The following PRKRA variants were observed in gnomAD, a reference collection of about 807,000 sequenced individuals.
PRKRA encodes interferon-inducible double-stranded RNA-dependent protein kinase activator A.
In PRKRA, 22 loss-of-function variants were observed where a neutral mutation model predicts 32.4. That is an observed-to-expected ratio of 0.68 (90% CI 0.49 to 0.97). The LOEUF (loss-of-function observed/expected upper bound fraction) is 0.97, where lower values mean the gene tolerates loss of function less well. PRKRA is among the 50% of genes least tolerant of loss of function. PRKRA has a pLI of 0.00. For synonymous variants in PRKRA, 139 were observed against 129.8 expected (o/e 1.07, Z -0.48); for missense variants, 319 against 375.6 (o/e 0.85, Z 1.25).
At chr2:178,450,086 G>A (rs1697501725) in intron 2 of PRKRA, 156 bp downstream of exon 2, 2 of 955,018 alleles carry the variant, frequency 2.1e-6, no homozygotes, top group African/African-American at 1.6e-5. Context: ...ATCAGATGCA[G>A]CTGAAAAGCC....
Position 178,431,759 on chromosome 2 carries a change from C to A in PRKRA, c.*338G>T. 1 of 355,740 alleles carries A rather than the reference C, an allele frequency of 2.8e-6. No homozygotes were observed. Among genetic ancestry groups the A allele is most frequent in the East Asian group, 6.1e-5 (1 of 16,476 alleles). 22.0% of individuals were successfully genotyped at this position (355,740 alleles called of 1,614,324 possible). A position where few individuals can be genotyped will look rare whatever the true frequency, so the allele number is the denominator to read the frequency against. On this transcript the variant is annotated 3_prime_UTR_variant, in exon 8 of 8. Coordinates refer to ENST00000325748, the MANE Select transcript of PRKRA (RefSeq NM_003690.5). ...TTATAAAGCTTTGTGCAAAGAAGAG[C>A]TTAAGCACCAGTAAGAAAGACTGTC...
chr2:178,450,443 T>C (rs965736170), intron 1 of PRKRA, 32 bp from the exon 2 acceptor site: 5 of 1,048,440 alleles, frequency 4.8e-6, no homozygotes, highest in Non-Finnish European at 6.3e-6. Flanking sequence ...GTGCTTTGCA[T>C]GCCAAATTGG....
intron 5 of PRKRA, 54 bp from the exon 6 acceptor site, chr2:178,441,758 G>A (rs751568219): frequency 7.1e-6 from 10 of 1,403,574 alleles, no homozygotes; most frequent in South Asian, 2.3e-5. Flanking sequence ...TGTCCACAGA[G>A]GATGATCAAA....
At chr2:178,433,389 G>C (rs1047691337) in intron 7 of PRKRA, 1 of 152,142 alleles carries the variant, frequency 6.6e-6, no homozygotes, top group Non-Finnish European at 1.5e-5. Flanking sequence ...TAGGAGTGGA[G>C]TTGCTGGGTC....
At chr2:178,439,698 T>C (rs1002418007) in intron 6 of PRKRA, 1 of 152,188 alleles carries the variant, frequency 6.6e-6, no homozygotes, top group Non-Finnish European at 1.5e-5. Context: ...GGAATGAGTA[T>C]AATGTATAAA....
intron 5 of PRKRA, among the ~76,000 whole-genome samples, chr2:178,442,433 A>C (rs897990806): frequency 2.6e-5 from 4 of 152,290 alleles, no homozygotes; most frequent in African/African-American, 9.6e-5. Flanking sequence ...TCCTTTTAAC[A>C]GGAATAAGAA....
rs181793341 is a variant in PRKRA at position 178,451,044 on chromosome 2, G to T, written c.-14C>A. ...GCTCTGGGACATGGCGAGAAGGGAC[G>T]GCTCAGCGGCTGGAGGAAGAGCGGT... On this transcript the variant is annotated 5_prime_UTR_variant, in exon 1 of 8. Transcript: ENST00000325748. The T allele has an allele frequency of 8.4e-6, 13 of 1,554,084 alleles. 1 individual carries two copies. Among genetic ancestry groups the T allele is most frequent in the Non-Finnish European group, 1.0e-5 (12 of 1,155,326 alleles).
At chr2:178,450,771 C>T in intron 1 of PRKRA, 195 bp downstream of exon 1, 2 of 1,348,968 alleles carry the variant, frequency 1.5e-6, no homozygotes, top group Middle Eastern at 2.8e-4. Flanking sequence ...CCGCCAGGGA[C>T]CACGAGAGGG....
rs368620024 is a variant in PRKRA, at chr2:178,444,381, A to C, written c.396+41T>G. 6 of 1,130,162 alleles carry C rather than the reference A, an allele frequency of 5.3e-6. No individual in the cohort carries two copies. In the African/African-American group the frequency reaches 1.1e-4, roughly 21 times the overall value. 70.0% of individuals were successfully genotyped at this position (1,130,162 alleles called of 1,614,324 possible). On this transcript the variant is annotated intron_variant, in intron 4 of 7. Transcript: ENST00000325748. ...TTAGCCCCTCTGACATTACAAACTTATTATATATTTCATCAGTAGGCAAAG... is the reference window on the plus strand; with the variant it reads ...TTAGCCCCTCTGACATTACAAACTTCTTATATATTTCATCAGTAGGCAAAG...
rs758698207 is a variant in PRKRA, at chr2:178,436,105, T to C, written c.784+40A>G. 17 of 1,534,350 alleles carry C rather than the reference T, an allele frequency of 1.1e-5. No individual in the cohort carries two copies. In the Admixed American group the frequency reaches 1.7e-4, roughly 16 times the overall value. ...TTTGTTCCTCAAACACATTTTTAAA[T>C]AAACATGTCTTGGGAAAGCCAAAGA... On this transcript the variant is annotated intron_variant, in intron 7 of 7. Coordinates refer to ENST00000325748, the MANE Select transcript of PRKRA (RefSeq NM_003690.5).
intron 1 of PRKRA, 97 bp from the exon 2 acceptor site, chr2:178,450,508 G>T (rs1697541970): frequency 7.3e-7 from 1 of 1,374,902 alleles, no homozygotes; most frequent in Admixed American, 2.2e-5. Context: ...GGTGACGAGG[G>T]AGGCGCCGAG....
Position 178,441,614 on chromosome 2 carries a change from G to T in PRKRA, c.605C>A (p.Ser202Tyr), listed in dbSNP as rs1337026070. 1 of 1,587,960 alleles carries T rather than the reference G, an allele frequency of 6.3e-7. No homozygotes were observed. The change falls in exon 6 of 8, where the codon TCT becomes TAT. Residue 202 changes from serine to tyrosine, a missense_variant. Ser to Tyr is a moderately radical substitution (Grantham distance 144). Coordinates refer to ENST00000325748, the MANE Select transcript of PRKRA (RefSeq NM_003690.5). ...FSNISPENHI[S>Y]LTNVVGHSLG... ...ATAGCTGTCAACATTACTCACTAAA[G>T]AAATGTGGTTCTCTGGAGAAATATT...
chr2:178,440,732 T>A (rs1169643579), intron 6 of PRKRA, among the ~76,000 whole-genome samples: 1 of 152,200 alleles, frequency 6.6e-6, no homozygotes, highest in Non-Finnish European at 1.5e-5. Context: ...GTAACAGCAC[T>A]CTCGCAGGTC....
intron 7 of PRKRA, among the ~76,000 whole-genome samples, chr2:178,432,967 A>T: frequency 6.6e-6 from 1 of 152,214 alleles, no homozygotes. Context: ...AGATGGCTGA[A>T]ATGAGGGCAA....
intron 6 of PRKRA, 122 bp from the exon 7 acceptor site, chr2:178,436,441 G>A: frequency 1.2e-6 from 1 of 816,866 alleles, no homozygotes; most frequent in Non-Finnish European, 2.0e-6. Context: ...ATGTTTAAAT[G>A]GATAACATTT....
chr2:178,447,170 CTT>C (rs903741179), intron 3 of PRKRA: 9 of 238,860 alleles, frequency 3.8e-5, no homozygotes, highest in Middle Eastern at 1.7e-3. Context: ...CCATCTCACA[CTT>C]TGTTTTCTTC....
chr2:178,436,210 T>A lies in PRKRA; in HGVS notation c.719A>T (p.Asp240Val). 1 of 1,612,818 alleles carries A rather than the reference T, an allele frequency of 6.2e-7. No homozygotes were observed. Among genetic ancestry groups the A allele is most frequent in the South Asian group, 1.1e-5 (1 of 91,064 alleles). ...KRSLLSIPNT[D>V]YIQLLSEIAK... ...AATTTCACTAAGCAGCTGGATGTAATCTGTATTTGGAATACTAAGGAGGCT... is the reference window on the plus strand; with the variant it reads ...AATTTCACTAAGCAGCTGGATGTAAACTGTATTTGGAATACTAAGGAGGCT... Residue 240 changes from aspartate to valine, a missense_variant, in exon 7 of 8, where the codon GAT (aspartate) becomes GTT (valine). By Grantham distance (152) the Asp-to-Val change is radical. Coordinates refer to ENST00000325748, the MANE Select transcript of PRKRA (RefSeq NM_003690.5).
chr2:178,450,072 G>A, intron 2 of PRKRA, 170 bp downstream of exon 2: 3 of 873,916 alleles, frequency 3.4e-6, no homozygotes, highest in South Asian at 1.4e-5. Flanking sequence ...AAATTAGGAA[G>A]AGAATCAGAT....
chr2:178,442,500 G>T (rs996055356), intron 5 of PRKRA, among the ~76,000 whole-genome samples: 1 of 152,090 alleles, frequency 6.6e-6, no homozygotes, highest in Non-Finnish European at 1.5e-5. Context: ...CCATGCTTTT[G>T]TTTTATAGAT....
Sources: gnomAD v4.1 joint callset for allele counts (sites outside exome capture counted in the v4.1 genomes callset) on GRCh38, gnomAD v4.1.1 for gene constraint, MANE v1.5 for transcripts, NCBI Gene and HGNC (gene_info 2026-07-23, HGNC 2026-07-21) for gene names.